HFM1: variants seen among roughly 807,000 people sequenced by gnomAD.
The protein encoded by HFM1 is helicase for meiosis 1.
A neutral mutation model predicts 192.1 loss-of-function variants in HFM1; 169 were observed. That is an observed-to-expected ratio of 0.88 (90% CI 0.78 to 1.00). The LOEUF (loss-of-function observed/expected upper bound fraction) is 1.00, where lower values mean the gene tolerates loss of function less well. HFM1 is among the 50% of genes least tolerant of loss of function. HFM1 has a pLI of 0.00. For synonymous variants in HFM1, 525 were observed against 537.8 expected, an observed-to-expected ratio of 0.98 and a Z score of 0.33; for missense variants, 1,661 against 1,668.0, an observed-to-expected ratio of 1.00 and a Z score of 0.07.
At position 91,319,152 on chromosome 1, in the gene HFM1, A is replaced by G. The variant is rs761908956; in HGVS notation, c.2738T>C (p.Leu913Ser). The G allele has an allele frequency of 6.2e-6, 10 of 1,610,862 alleles. No homozygotes were observed. The highest frequency in any genetic ancestry group is 1.7e-4 in the Middle Eastern group (1 of 6,034). Residue 913 changes from leucine to serine, a missense_variant, in exon 25 of 39, where the codon TTG becomes TCG. By Grantham distance (145) the Leu-to-Ser change is moderately radical. Transcript: ENST00000370425. ...ACACCTAAAACATTTAGCTAAAATC[A>G]AACTATTCAATAGTACAGCAAACTT... ...EKKFAVLLNS[L>S]ILAKCFRCKL...
chr1:91,334,928 CT>C (rs944675768), intron 20 of HFM1, among the ~76,000 whole-genome samples: 20 of 145,984 alleles, frequency 1.4e-4, no homozygotes, highest in African/African-American at 5.1e-4. Flanking sequence ...GACTCTCTGT[CT>C]CAAAAAAAAA....
intron 38 of HFM1, 49 bp downstream of exon 38, chr1:91,262,191 GA>G (rs1174532400): frequency 2.3e-6 from 2 of 853,598 alleles, no homozygotes; most frequent in East Asian, 2.7e-5. Context: ...ATTTCTTTGT[GA>G]AAAGTTTTTT....
intron 6 of HFM1, 38 bp from the exon 7 acceptor site, chr1:91,381,020 T>A: frequency 2.3e-6 from 2 of 865,946 alleles, no homozygotes; most frequent in Non-Finnish European, 3.6e-6. Flanking sequence ...TTTCAGAATT[T>A]AAAAAATTAG....
intron 20 of HFM1, 124 bp from the exon 21 acceptor site, chr1:91,324,890 G>C (rs1652657325): frequency 3.0e-6 from 2 of 672,650 alleles, no homozygotes; most frequent in African/African-American, 3.7e-5. Flanking sequence ...CTAGACCATT[G>C]GTCCTCACTG....
chr1:91,317,973 T>C (rs886141774), intron 25 of HFM1, among the ~76,000 whole-genome samples: 3 of 152,148 alleles, frequency 2.0e-5, no homozygotes, highest in Non-Finnish European at 2.9e-5. Context: ...AGGGACAGAA[T>C]GCAATGGATG....
Position 91,261,366 on chromosome 1 carries a change from G to A in HFM1, c.4239-7C>T. On this transcript the variant is annotated splice_polypyrimidine_tract_variant and splice_region_variant and intron_variant, in intron 38 of 38. Coordinates refer to ENST00000370425, the MANE Select transcript of HFM1 (RefSeq NM_001017975.6). The stretch of plus-strand genomic sequence containing the variant: ...ATCATCAGGATGATACATACTGGGA[G>A]AAAGAAGAAAAAGTAAAAATAACTA... The A allele has an allele frequency of 7.5e-7, 1 of 1,330,228 alleles. No homozygotes were observed. The highest frequency in any genetic ancestry group is 9.9e-7 in the Non-Finnish European group (1 of 1,011,952). The allele number at this position is 1,330,228 out of a possible 1,614,324, so 82.4% of individuals were successfully genotyped here.
At chr1:91,370,672 A>T (rs1303821980) in intron 13 of HFM1, among the ~76,000 whole-genome samples, 1 of 152,160 alleles carries the variant, frequency 6.6e-6, no homozygotes, top group Non-Finnish European at 1.5e-5. Flanking sequence ...TCCCTTTGAA[A>T]ACTGGCACAA....
chr1:91,330,974 T>G (rs893876060), intron 20 of HFM1, among the ~76,000 whole-genome samples: 1 of 152,058 alleles, frequency 6.6e-6, no homozygotes, highest in Non-Finnish European at 1.5e-5. Context: ...AAAAGCTGGG[T>G]ATAGAAGGAA....
Position 91,385,668 on chromosome 1 carries a change from TA to T in HFM1, c.660del (p.Phe220LeufsTer34), listed in dbSNP as rs1662109012. On this transcript the variant is annotated frameshift_variant, in exon 5 of 39. Coordinates refer to ENST00000370425, the MANE Select transcript of HFM1 (RefSeq NM_001017975.6). LOFTEE classifies it high-confidence loss of function. ...GAAGCAGAAAAAGCATTATTTGCTG[TA>T]AACACATTTGCAGAATACTGAAATT... ...KQKFQYSANVFTANNAFSASE... is the reference protein window; with the variant it reads ...KQKFQYSANVXTANNAFSASE... 7 of 1,611,040 alleles carry T rather than the reference TA, an allele frequency of 4.3e-6. No individual in the cohort carries two copies. Among genetic ancestry groups the T allele is most frequent in the Non-Finnish European group, 5.9e-6 (7 of 1,177,354 alleles).
chr1:91,288,011 T>C (rs1668223863), intron 30 of HFM1, among the ~76,000 whole-genome samples: 1 of 151,820 alleles, frequency 6.6e-6, no homozygotes, highest in Non-Finnish European at 1.5e-5. Flanking sequence ...TATGGGACTA[T>C]GTGAAAAGAC....
At chr1:91,277,386 T>A (rs969980991) in intron 30 of HFM1, among the ~76,000 whole-genome samples, 6 of 151,052 alleles carry the variant, frequency 4.0e-5, no homozygotes, top group African/African-American at 1.5e-4. Flanking sequence ...TGCCTGGTAA[T>A]TTTTAAAACA....
chr1:91,290,562 T>G (rs1282122522), intron 30 of HFM1, among the ~76,000 whole-genome samples: 1 of 151,892 alleles, frequency 6.6e-6, no homozygotes, highest in South Asian at 2.1e-4. Flanking sequence ...AAGTCCTGAG[T>G]GACCTACAAA....
At chr1:91,329,027 C>G (rs1653377492) in intron 20 of HFM1, 2 of 1,611,732 alleles carry the variant, frequency 1.2e-6, no homozygotes, top group Non-Finnish European at 1.7e-6. Context: ...TCTGCAGGAG[C>G]TAGAACCAGG....
At chr1:91,316,309 A>G (rs1651213358) in intron 26 of HFM1, 82 bp downstream of exon 26, 1 of 1,020,976 alleles carries the variant, frequency 9.8e-7, no homozygotes, top group Non-Finnish European at 1.5e-6. Flanking sequence ...ACTTATAACT[A>G]TGAGAAGGAA....
At chr1:91,277,615 A>ATATAT (rs1666969630) in intron 30 of HFM1, among the ~76,000 whole-genome samples, 1 of 127,584 alleles carries the variant, frequency 7.8e-6, no homozygotes, top group Non-Finnish European at 1.6e-5. Flanking sequence ...TATATATACT[A>ATATAT]TATACTAATA....
At chr1:91,326,107 T>A (rs1652855688) in intron 20 of HFM1, among the ~76,000 whole-genome samples, 2 of 152,090 alleles carry the variant, frequency 1.3e-5, no homozygotes, top group Admixed American at 1.3e-4. Context: ...GAAGTACACC[T>A]ATAAGATCTG....
chr1:91,353,628 A>C (rs1657274340), intron 13 of HFM1, among the ~76,000 whole-genome samples: 1 of 146,366 alleles, frequency 6.8e-6, no homozygotes, highest in African/African-American at 2.5e-5. Flanking sequence ...CATTTCTAAA[A>C]CTACTATATT....
intron 6 of HFM1, among the ~76,000 whole-genome samples, chr1:91,383,420 T>G (rs1661788330): frequency 1.3e-5 from 2 of 152,156 alleles, no homozygotes; most frequent in Non-Finnish European, 2.9e-5. Flanking sequence ...CTGAATAAAG[T>G]GCTAAACACT....
intron 2 of HFM1, among the ~76,000 whole-genome samples, chr1:91,397,648 C>T (rs1663823772): frequency 6.6e-6 from 1 of 152,160 alleles, no homozygotes; most frequent in African/African-American, 2.4e-5. Context: ...AATAACAAGC[C>T]AGATCTTTTA....
Sources: allele counts gnomAD v4.1 joint callset (sites outside exome capture counted in the v4.1 genomes callset), GRCh38; gene constraint gnomAD v4.1.1; transcripts MANE v1.5; gene names NCBI Gene and HGNC (gene_info 2026-07-23, HGNC 2026-07-21).